FOXN3: variants seen among roughly 807,000 people sequenced by gnomAD.
The protein encoded by FOXN3 is forkhead box N3.
FOXN3 carries 7 observed loss-of-function variants against 38.4 expected under a neutral mutation model. The observed-to-expected ratio is 0.18, with a 90% CI of 0.10 to 0.34. The LOEUF (loss-of-function observed/expected upper bound fraction) is 0.34. Ranked by LOEUF, FOXN3 falls within the 10% of genes least tolerant of loss-of-function variation. FOXN3 has a pLI of 1.00. For missense variants in FOXN3, 456 were observed against 613.4 expected (o/e 0.74, Z 2.71); for synonymous variants, 230 against 242.2 (o/e 0.95, Z 0.47).
At chr14:89,406,383 G>A (rs1170648205) in intron 2 of FOXN3, among the ~76,000 whole-genome samples, 1 of 148,752 alleles carries the variant, frequency 6.7e-6, no homozygotes, top group Non-Finnish European at 1.5e-5. Flanking sequence ...TCATGCCAGT[G>A]TACTCCAGCC....
At chr14:89,606,079 T>C (rs1462901875) in intron 1 of FOXN3, among the ~76,000 whole-genome samples, 2 of 151,914 alleles carry the variant, frequency 1.3e-5, no homozygotes, top group African/African-American at 2.4e-5. Context: ...AAAACTGCGA[T>C]GGCACAGAGA....
chr14:89,460,537 G>A (rs988630163), intron 1 of FOXN3, among the ~76,000 whole-genome samples: 4 of 152,166 alleles, frequency 2.6e-5, no homozygotes, highest in African/African-American at 7.2e-5. Flanking sequence ...GAGGAGGAAC[G>A]TTAGCCTGCA....
At chr14:89,236,543 C>A (rs1457945320) in intron 4 of FOXN3, among the ~76,000 whole-genome samples, 1 of 152,102 alleles carries the variant, frequency 6.6e-6, no homozygotes, top group Non-Finnish European at 1.5e-5. Flanking sequence ...TAGCACGCAG[C>A]CAGCACCTCC....
At chr14:89,227,075 G>C (rs1596115932) in intron 4 of FOXN3, among the ~76,000 whole-genome samples, 1 of 152,168 alleles carries the variant, frequency 6.6e-6, no homozygotes, top group East Asian at 1.9e-4. Flanking sequence ...GAAGAAAAAA[G>C]CAATTTCAGG....
In FOXN3 at chr14:89,162,657, C is replaced by T. The variant is rs45535535; in HGVS notation, c.1164G>A (p.Gly388=). Residue 388 remains glycine, a synonymous_variant, in exon 6 of 6, where the codon GGG becomes GGA. Transcript: ENST00000557258. This position sits in a 1 kb window ranked among gnomAD's most constrained non-coding sequence, Gnocchi z 7.2. ...HSQKEPKDSL[G]DSGYASQHKK... ...TGTGCTGGGATGCGTACCCGCTGTCCCCCAGAGAATCCTTGGGCTCCTTCT... is the reference window on the plus strand; with the variant it reads ...TGTGCTGGGATGCGTACCCGCTGTCTCCCAGAGAATCCTTGGGCTCCTTCT... 6.2e-7 allele frequency: 1 copy of T among 1,613,846 alleles called. No homozygotes were observed. The highest frequency in any genetic ancestry group is 8.5e-7 in the Non-Finnish European group (1 of 1,179,982).
intron 4 of FOXN3, among the ~76,000 whole-genome samples, chr14:89,280,583 G>T (rs994398252): frequency 3.3e-5 from 5 of 152,128 alleles, no homozygotes; most frequent in African/African-American, 1.2e-4. Context: ...TCAAGTTTTT[G>T]AAACATGTAA....
Position 89,191,961 on chromosome 14 carries a change from TACAC to T in FOXN3, c.746-11159_746-11156del, listed in dbSNP as rs528977052. The stretch of plus-strand genomic sequence containing the variant: ...CCACTGATATTAGTATATATATATA[TACAC>T]ATATATATAACTATAATATATAATA... On this transcript the variant is annotated intron_variant, in intron 4 of 5. Transcript: ENST00000557258. Among the ~76,000 whole-genome samples the T allele has an allele frequency of 5.0e-3, 355 of 71,610 alleles. 22 individuals carry two copies. Among genetic ancestry groups the T allele is most frequent in the African/African-American group, 0.034 (342 of 10,154 alleles). The allele number at this position is 71,610 out of a possible 152,430, so 47.0% of individuals were successfully genotyped here.
intron 5 of FOXN3, among the ~76,000 whole-genome samples, chr14:89,171,407 G>A (rs143806422): frequency 9.9e-5 from 15 of 152,146 alleles, no homozygotes; most frequent in African/African-American, 2.6e-4. Flanking sequence ...GAATGAATAC[G>A]CCTCAACTCC....
intron 4 of FOXN3, among the ~76,000 whole-genome samples, chr14:89,255,865 C>A (rs1214057751): frequency 6.6e-6 from 1 of 152,168 alleles, no homozygotes; most frequent in African/African-American, 2.4e-5. Flanking sequence ...GCAGGAGTGC[C>A]ACTCTGCACA....
intron 3 of FOXN3, among the ~76,000 whole-genome samples, chr14:89,312,758 G>A (rs1272131922): frequency 1.3e-5 from 2 of 152,030 alleles, no homozygotes; most frequent in East Asian, 3.9e-4. Context: ...CTACAACATT[G>A]GACTGTTAGA....
intron 2 of FOXN3, chr14:89,364,367 T>C (rs1890070077): frequency 6.6e-6 from 1 of 151,586 alleles, no homozygotes; most frequent in East Asian, 1.9e-4. Flanking sequence ...TGTTTTTGTT[T>C]TTGTTTTTGT....
At chr14:89,380,309 C>T (rs1566972789) in intron 2 of FOXN3, among the ~76,000 whole-genome samples, 1 of 152,220 alleles carries the variant, frequency 6.6e-6, no homozygotes, top group African/African-American at 2.4e-5. Flanking sequence ...TGTGAGGCCA[C>T]CCAAGCCACG....
intron 3 of FOXN3, among the ~76,000 whole-genome samples, chr14:89,343,724 C>A (rs9943994): frequency 0.4 from 41,592 of 103,830 alleles, 7,020 homozygotes; most frequent in African/African-American, 0.59. Context: ...GAATTTATTC[C>A]AAAAAAAAAA....
intron 1 of FOXN3, among the ~76,000 whole-genome samples, chr14:89,448,921 G>A (rs1397523064): frequency 6.7e-6 from 1 of 149,744 alleles, no homozygotes; most frequent in African/African-American, 2.5e-5. Flanking sequence ...TCCAGCCTGG[G>A]CAACAGAGCA....
chr14:89,171,934 T>A (rs1265019069), intron 5 of FOXN3, among the ~76,000 whole-genome samples: 1 of 152,160 alleles, frequency 6.6e-6, no homozygotes, highest in Non-Finnish European at 1.5e-5. Context: ...CCCACCAGTA[T>A]TGACAAAAGA....
At chr14:89,289,180 T>TC (rs1886776801) in intron 3 of FOXN3, among the ~76,000 whole-genome samples, 1 of 25,130 alleles carries the variant, frequency 4.0e-5, no homozygotes, top group Non-Finnish European at 9.4e-5. Flanking sequence ...AAATTCTGTC[T>TC]CAAAAAAAAA....
intron 2 of FOXN3, among the ~76,000 whole-genome samples, chr14:89,405,591 G>A (rs1891367270): frequency 6.6e-6 from 1 of 152,182 alleles, no homozygotes; most frequent in Non-Finnish European, 1.5e-5. Context: ...GGGGTCCTAT[G>A]AGGCAGGGGG....
chr14:89,559,267 T>C (rs6575071), intron 1 of FOXN3, among the ~76,000 whole-genome samples: 95,311 of 151,858 alleles, frequency 0.63, 31,386 homozygotes, highest in Non-Finnish European at 0.73. Flanking sequence ...GTAGTTTCAG[T>C]TACTTGGGAG....
chr14:89,386,699 C>T (rs1363794672), intron 2 of FOXN3, among the ~76,000 whole-genome samples: 3 of 152,138 alleles, frequency 2.0e-5, no homozygotes, highest in Non-Finnish European at 4.4e-5. Flanking sequence ...GCTCATACAA[C>T]AGAAGTTACT....
Sources: gnomAD v4.1 joint callset for allele counts (sites outside exome capture counted in the v4.1 genomes callset) on GRCh38, gnomAD v4.1.1 for gene constraint, Gnocchi (gnomAD v3.1) non-coding constraint, MANE v1.5 for transcripts, NCBI Gene and HGNC (gene_info 2026-07-23, HGNC 2026-07-21) for gene names.